NKAIN2: variants seen among roughly 807,000 people sequenced by gnomAD.
NKAIN2 encodes sodium/potassium-transporting ATPase subunit beta-1-interacting protein 2.
A neutral mutation model predicts 32.6 loss-of-function variants in NKAIN2; 14 were observed. The ratio of observed to expected loss-of-function variants is 0.43; its 90% CI spans 0.28 to 0.67. The LOEUF (loss-of-function observed/expected upper bound fraction) is 0.67. NKAIN2 is among the 30% of genes least tolerant of loss of function. The pLI is 0.17. For synonymous variants in NKAIN2, 80 were observed against 87.2 expected (o/e 0.92, Z 0.46); for missense variants, 198 against 258.3 (o/e 0.77, Z 1.60).
chr6:124,815,458 C>T (rs907484098), intron 5 of NKAIN2, among the ~76,000 whole-genome samples: 7 of 151,654 alleles, frequency 4.6e-5, no homozygotes, highest in African/African-American at 1.5e-4. Flanking sequence ...TTAGTAGAGA[C>T]GGGGTTTCAC....
intron 4 of NKAIN2, among the ~76,000 whole-genome samples, chr6:124,745,705 T>G (rs895851163): frequency 6.6e-6 from 1 of 151,890 alleles, no homozygotes; most frequent in Non-Finnish European, 1.5e-5. Context: ...CAGTATGAAT[T>G]TTACTGTTAT....
At chr6:124,523,607 A>T (rs990710970) in intron 3 of NKAIN2, among the ~76,000 whole-genome samples, 4 of 152,168 alleles carry the variant, frequency 2.6e-5, no homozygotes, top group Admixed American at 6.5e-5. Flanking sequence ...CAAAATTAAA[A>T]ACTTTAATAA....
At chr6:124,441,056 C>A (rs527846093) in intron 3 of NKAIN2, among the ~76,000 whole-genome samples, 1 of 152,052 alleles carries the variant, frequency 6.6e-6, no homozygotes, top group Non-Finnish European at 1.5e-5. Context: ...ATAATTGTGT[C>A]TTAAACAGGC....
chr6:124,687,212 G>A (rs1773942503), intron 4 of NKAIN2, among the ~76,000 whole-genome samples: 1 of 143,240 alleles, frequency 7.0e-6, no homozygotes, highest in African/African-American at 2.6e-5. Flanking sequence ...GTATATATGT[G>A]TATATATGTG....
chr6:124,720,432 T>C (rs1417304120), intron 4 of NKAIN2, among the ~76,000 whole-genome samples: 7 of 152,210 alleles, frequency 4.6e-5, no homozygotes, highest in Non-Finnish European at 1.5e-5. Context: ...TAAATTATAA[T>C]GGGAAAAAGA....
intron 1 of NKAIN2, among the ~76,000 whole-genome samples, chr6:124,002,187 C>A (rs956586328): frequency 2.0e-5 from 3 of 152,178 alleles, no homozygotes; most frequent in African/African-American, 7.2e-5. Context: ...ATAAACTCAT[C>A]CTTCGGGCAC....
intron 1 of NKAIN2, among the ~76,000 whole-genome samples, chr6:124,044,638 A>G (rs1320479283): frequency 2.6e-5 from 4 of 152,052 alleles, no homozygotes; most frequent in Non-Finnish European, 5.9e-5. Context: ...GCCCCTGTAG[A>G]GCCCTTTCAG....
At chr6:124,409,145 A>G (rs542197030) in intron 3 of NKAIN2, among the ~76,000 whole-genome samples, 1 of 152,276 alleles carries the variant, frequency 6.6e-6, no homozygotes, top group African/African-American at 2.4e-5. Context: ...GCGAACAGGG[A>G]CAATTTGACT....
intron 1 of NKAIN2, among the ~76,000 whole-genome samples, chr6:123,947,631 A>G (rs1777131111): frequency 6.6e-6 from 1 of 152,134 alleles, no homozygotes; most frequent in Admixed American, 6.6e-5. Context: ...TTTTATTGAT[A>G]CAAATATTTG....
chr6:124,283,612 C>A (rs931260097), intron 2 of NKAIN2, among the ~76,000 whole-genome samples: 1 of 152,154 alleles, frequency 6.6e-6, no homozygotes, highest in African/African-American at 2.4e-5. Context: ...ATAATCTGGA[C>A]AGTTGCCTCT....
intron 2 of NKAIN2, among the ~76,000 whole-genome samples, chr6:124,307,413 T>C (rs1453670544): frequency 1.3e-5 from 2 of 152,172 alleles, no homozygotes; most frequent in Non-Finnish European, 2.9e-5. Flanking sequence ...TTAAGAAACC[T>C]CTGGGGAGGA....
At chr6:123,886,769 C>T (rs1263293150) in intron 1 of NKAIN2, among the ~76,000 whole-genome samples, 1 of 151,942 alleles carries the variant, frequency 6.6e-6, no homozygotes, top group Non-Finnish European at 1.5e-5. Context: ...AACAGTAAAA[C>T]ATTTTGTCAG....
chr6:124,813,452 C>A (rs9638002), intron 5 of NKAIN2, among the ~76,000 whole-genome samples: 1 of 152,138 alleles, frequency 6.6e-6, no homozygotes, highest in East Asian at 1.9e-4. Context: ...GAACTTAAGA[C>A]TTTTGTTAAA....
rs1418241711 is a variant in NKAIN2, at chr6:124,543,416, A to T, written c.274-114770A>T. Among the ~76,000 whole-genome samples, 3 of 152,238 alleles carry T rather than the reference A, an allele frequency of 2.0e-5. No homozygotes were observed. In the East Asian group the frequency reaches 5.8e-4, roughly 29 times the overall value. On this transcript the variant is annotated intron_variant, in intron 3 of 6. Coordinates refer to ENST00000368417, the MANE Select transcript of NKAIN2 (RefSeq NM_001040214.3). Reference sequence around the variant, plus strand: ...GCTTAATGAGCTCTTCATTGTAATAAGAAAACTGATGTTTATTTTTATTAG... The same window carrying T: ...GCTTAATGAGCTCTTCATTGTAATATGAAAACTGATGTTTATTTTTATTAG...
At chr6:124,053,495 C>T (rs1782504150) in intron 1 of NKAIN2, among the ~76,000 whole-genome samples, 1 of 152,022 alleles carries the variant, frequency 6.6e-6, no homozygotes, top group South Asian at 2.1e-4. Context: ...TAGGTAGAAT[C>T]ACTACATTAT....
At chr6:124,347,603 AC>A (rs1306340323) in intron 2 of NKAIN2, among the ~76,000 whole-genome samples, 2 of 152,088 alleles carry the variant, frequency 1.3e-5, no homozygotes, top group East Asian at 3.9e-4. Context: ...CGTCACTGAT[AC>A]CCTTTCTTCC....
rs1033168148 is a variant in NKAIN2 at position 124,398,121 on chromosome 6, C to T, written c.273+42774C>T. Among the ~76,000 whole-genome samples, 270 of 151,496 alleles carry T rather than the reference C, an allele frequency of 1.8e-3. 1 individual carries two copies. Among genetic ancestry groups the T allele is most frequent in the African/African-American group, 6.4e-3 (262 of 41,228 alleles). On this transcript the variant is annotated intron_variant, in intron 3 of 6. Coordinates refer to ENST00000368417, the MANE Select transcript of NKAIN2 (RefSeq NM_001040214.3). ...ACAAAAAATTAGCCGGGCGTGGTTG[C>T]GGGCACCTGTAGTCCCAGCTACTCG...
chr6:124,204,679 A>AAGCC (rs1790768346), intron 1 of NKAIN2, among the ~76,000 whole-genome samples: 1 of 151,790 alleles, frequency 6.6e-6, no homozygotes, highest in South Asian at 2.1e-4. Context: ...CCAGGCGTCT[A>AAGCC]ATATGACTTT....
chr6:123,882,443 T>G (rs895792199), intron 1 of NKAIN2, among the ~76,000 whole-genome samples: 5 of 152,182 alleles, frequency 3.3e-5, no homozygotes, highest in African/African-American at 1.2e-4. Context: ...TAAGTCTTTA[T>G]GTAAAATTAA....
Sources: gnomAD v4.1 joint callset for allele counts (sites outside exome capture counted in the v4.1 genomes callset) on GRCh38, gnomAD v4.1.1 for gene constraint, MANE v1.5 for transcripts, NCBI Gene and HGNC (gene_info 2026-07-23, HGNC 2026-07-21) for gene names.